The following PRKN variants were observed in gnomAD, a reference collection of about 807,000 sequenced individuals.
The protein encoded by PRKN is parkin RBR E3 ubiquitin protein ligase, also known as E3 ubiquitin-protein ligase parkin.
A neutral mutation model predicts 59.5 loss-of-function variants in PRKN; 56 were observed. That is an observed-to-expected ratio of 0.94 (90% confidence interval 0.76 to 1.18). The LOEUF is 1.18. Among genes scored for constraint, PRKN ranks in the 50% most tolerant of loss-of-function variants. PRKN has a pLI of 0.00. For missense variants in PRKN, 657 were observed against 596.4 expected (o/e 1.10, Z -1.06); for synonymous variants, 250 against 222.1 (o/e 1.13, Z -1.12).
chr6:162,650,141 T>C (rs575490426), intron 1 of PRKN, among the ~76,000 whole-genome samples: 145 of 152,260 alleles, frequency 9.5e-4, no homozygotes, highest in African/African-American at 3.3e-3. Flanking sequence ...TACACCAATA[T>C]ATACCGAAGT....
At chr6:162,531,627 T>G (rs1249339356) in intron 1 of PRKN, among the ~76,000 whole-genome samples, 2 of 150,328 alleles carry the variant, frequency 1.3e-5, no homozygotes, top group Non-Finnish European at 3.0e-5. Flanking sequence ...ATCCATCAAG[T>G]GCAGGGTCTG....
At chr6:161,707,347 G>A (rs76948939) in intron 7 of PRKN, among the ~76,000 whole-genome samples, 274 of 152,286 alleles carry the variant, frequency 1.8e-3, no homozygotes, top group African/African-American at 6.1e-3. Flanking sequence ...ATAATTGTGC[G>A]TTGAGGAAAC....
intron 4 of PRKN, among the ~76,000 whole-genome samples, chr6:162,183,461 T>C (rs1322270842): frequency 6.6e-6 from 1 of 152,190 alleles, no homozygotes; most frequent in Non-Finnish European, 1.5e-5. Context: ...CCTTGACAGA[T>C]GGCAGCCTAT....
At chr6:161,733,779 AAAAAATAT>A (rs1333561707) in intron 7 of PRKN, among the ~76,000 whole-genome samples, 8 of 85,780 alleles carry the variant, frequency 9.3e-5, no homozygotes, top group African/African-American at 4.3e-4. Context: ...TGAAAAAAAA[AAAAAATAT>A]ATATATATAT....
At chr6:162,556,342 G>GGGGTGTGT (rs1175202893) in intron 1 of PRKN, among the ~76,000 whole-genome samples, 4,445 of 56,986 alleles carry the variant, frequency 0.078, 322 homozygotes, top group Non-Finnish European at 0.099. Context: ...CTACTCAGCT[G>GGGGTGTGT]GTGTGTGTGT....
intron 2 of PRKN, among the ~76,000 whole-genome samples, chr6:162,409,784 A>C (rs1422095491): frequency 6.6e-6 from 1 of 152,212 alleles, no homozygotes; most frequent in Non-Finnish European, 1.5e-5. Context: ...ACTAACTAGA[A>C]ACAGCTCTCA....
At chr6:162,527,481 A>T (rs1778334276) in intron 1 of PRKN, among the ~76,000 whole-genome samples, 1 of 152,172 alleles carries the variant, frequency 6.6e-6, no homozygotes, top group African/African-American at 2.4e-5. Flanking sequence ...TGGGAATATA[A>T]ATCTCTGGTT....
chr6:161,582,413 CTAT>C lies in PRKN; in HGVS notation c.872-13000_872-12998del, dbSNP rs3032927. 2.5e-4 allele frequency among the ~76,000 whole-genome samples: 36 copies of C among 146,214 alleles called. No homozygotes were observed. The highest frequency in any genetic ancestry group is 4.1e-4 in the East Asian group (2 of 4,914). ...AACTAGGAAAGACTGCATCTGCAGA[CTAT>C]TATTATTATTATTATTATTATTATT... On this transcript the variant is annotated intron_variant, in intron 7 of 11. Coordinates refer to ENST00000366898, the MANE Select transcript of PRKN (RefSeq NM_004562.3). The surrounding 1 kb of genome is among the most constrained non-coding windows in gnomAD (Gnocchi z 4.4).
At chr6:162,242,900 C>T (rs1326777844) in intron 3 of PRKN, among the ~76,000 whole-genome samples, 3 of 152,014 alleles carry the variant, frequency 2.0e-5, no homozygotes, top group Non-Finnish European at 4.4e-5. Flanking sequence ...TTATATTCAA[C>T]ACTTACATTT....
intron 7 of PRKN, among the ~76,000 whole-genome samples, chr6:161,689,924 G>A (rs1228689841): frequency 2.8e-5 from 3 of 106,594 alleles, no homozygotes; most frequent in African/African-American, 1.0e-4. Flanking sequence ...TGGCCAGGCT[G>A]GTCTCGAGCT....
chr6:161,434,570 C>T (rs59485988), intron 9 of PRKN, among the ~76,000 whole-genome samples: 4,939 of 152,154 alleles, frequency 0.032, 247 homozygotes, highest in African/African-American at 0.11. Context: ...TAATGCAGAC[C>T]GTTTGAGAAT....
chr6:161,402,026 G>A lies in PRKN; in HGVS notation c.1084-15149C>T, dbSNP rs965759023. Among the ~76,000 whole-genome samples, 2 of 152,052 alleles carry A rather than the reference G, an allele frequency of 1.3e-5. No homozygotes were observed. The highest frequency in any genetic ancestry group is 2.4e-5 in the African/African-American group (1 of 41,380). ...AGAGCATTTCCCACATTATCCTCTC[G>A]ATATGCATCTCTGCCATGACTATCA... On this transcript the variant is annotated intron_variant, in intron 9 of 11. Transcript: ENST00000366898. This position sits in a 1 kb window ranked among gnomAD's most constrained non-coding sequence, Gnocchi z 4.5.
At chr6:162,597,358 T>G (rs1346869847) in intron 1 of PRKN, among the ~76,000 whole-genome samples, 1 of 152,218 alleles carries the variant, frequency 6.6e-6, no homozygotes, top group Non-Finnish European at 1.5e-5. Flanking sequence ...TTCTACTATT[T>G]TAGATGTATT....
chr6:161,800,241 C>A (rs1791023775), intron 6 of PRKN, among the ~76,000 whole-genome samples: 1 of 152,060 alleles, frequency 6.6e-6, no homozygotes. Context: ...GAGGCAACGA[C>A]AGGTAGACAA....
intron 1 of PRKN, among the ~76,000 whole-genome samples, chr6:162,537,247 C>A (rs947896831): frequency 6.6e-6 from 1 of 152,068 alleles, no homozygotes; most frequent in African/African-American, 2.4e-5. Flanking sequence ...TCTCTGTTTT[C>A]CCTTCCACCC....
intron 4 of PRKN, among the ~76,000 whole-genome samples, chr6:162,179,762 A>T (rs775184717): frequency 6.6e-6 from 1 of 152,122 alleles, no homozygotes; most frequent in Non-Finnish European, 1.5e-5. Context: ...CACTGGCTCA[A>T]TTCATGAGCT....
At chr6:162,155,799 A>G (rs1782485915) in intron 4 of PRKN, among the ~76,000 whole-genome samples, 1 of 23,464 alleles carries the variant, frequency 4.3e-5, no homozygotes, top group Non-Finnish European at 3.5e-4. Context: ...ACTTTCAGTT[A>G]AGAAAAAAAA....
chr6:162,713,271 G>T (rs1347875506), intron 1 of PRKN, among the ~76,000 whole-genome samples: 1 of 152,106 alleles, frequency 6.6e-6, no homozygotes, highest in East Asian at 1.9e-4. Context: ...GAGGCGGGCG[G>T]ATCACGAGGT....
At chr6:162,159,867 A>G (rs1782681229) in intron 4 of PRKN, among the ~76,000 whole-genome samples, 1 of 152,196 alleles carries the variant, frequency 6.6e-6, no homozygotes, top group South Asian at 2.1e-4. Flanking sequence ...TATTTTCAAC[A>G]AGTGGCTCTG....
Sources: allele counts gnomAD v4.1 joint callset (sites outside exome capture counted in the v4.1 genomes callset), GRCh38; gene constraint gnomAD v4.1.1; non-coding constraint Gnocchi (gnomAD v3.1); transcripts MANE v1.5; gene names NCBI Gene and HGNC (gene_info 2026-07-23, HGNC 2026-07-21).